The following RALGPS1 variants were observed in gnomAD, a reference collection of about 807,000 sequenced individuals.
RALGPS1 encodes the protein ras-specific guanine nucleotide-releasing factor RalGPS1.
In RALGPS1, 19 loss-of-function variants were observed where a neutral mutation model predicts 78.8. The ratio of observed to expected loss-of-function variants is 0.24; its 90% CI spans 0.17 to 0.35. RALGPS1 has a LOEUF of 0.35. RALGPS1 is among the 10% of genes least tolerant of loss of function. The pLI is 1.00. For missense variants in RALGPS1, 454 were observed against 688.3 expected (o/e 0.66, Z 3.81); for synonymous variants, 228 against 256.3 (o/e 0.89, Z 1.06).
At chr9:127,175,278 G>A (rs749679710) in intron 11 of RALGPS1, among the ~76,000 whole-genome samples, 9 of 152,172 alleles carry the variant, frequency 5.9e-5, no homozygotes, top group East Asian at 1.9e-4. Context: ...AGTCAAGCCC[G>A]AGCTCCGCTG....
intron 8 of RALGPS1, among the ~76,000 whole-genome samples, chr9:127,121,668 C>A (rs1486383336): frequency 6.6e-6 from 1 of 152,234 alleles, no homozygotes; most frequent in East Asian, 1.9e-4. Flanking sequence ...GAAGCCGCAT[C>A]CTCCCTGTAT....
At chr9:126,929,864 G>A (rs1322293558) in intron 1 of RALGPS1, among the ~76,000 whole-genome samples, 1 of 152,070 alleles carries the variant, frequency 6.6e-6, no homozygotes, top group African/African-American at 2.4e-5. Context: ...TTTCAGAGAT[G>A]GAGTCTTGCT....
At chr9:127,077,158 G>T (rs1363653050) in intron 8 of RALGPS1, among the ~76,000 whole-genome samples, 1 of 152,182 alleles carries the variant, frequency 6.6e-6, no homozygotes, top group Non-Finnish European at 1.5e-5. Flanking sequence ...TGCTGGGTTG[G>T]ATTTGCATTG....
chr9:127,116,342 T>A (rs893626271), intron 8 of RALGPS1, among the ~76,000 whole-genome samples: 7 of 149,434 alleles, frequency 4.7e-5, no homozygotes, highest in African/African-American at 1.5e-4. Context: ...GGTTAGGGAG[T>A]GGGGGAGCTG....
At chr9:127,094,060 A>G (rs2052822821) in intron 8 of RALGPS1, 9 of 995,122 alleles carry the variant, frequency 9.0e-6, no homozygotes, top group Non-Finnish European at 1.0e-5. Context: ...GAGGTAACCA[A>G]TTTTTGTTTT....
intron 14 of RALGPS1, among the ~76,000 whole-genome samples, chr9:127,201,345 AG>A (rs2140777606): frequency 6.6e-6 from 1 of 152,216 alleles, no homozygotes; most frequent in East Asian, 1.9e-4. Context: ...CACCTTGCTG[AG>A]GGGAGCAGGG....
intron 8 of RALGPS1, among the ~76,000 whole-genome samples, chr9:127,155,696 A>G (rs1452172817): frequency 2.0e-5 from 3 of 152,190 alleles, no homozygotes; most frequent in Admixed American, 6.5e-5. Flanking sequence ...GGAAATGGAG[A>G]GAGCAAAAGC....
At chr9:127,133,586 C>G in intron 8 of RALGPS1, among the ~76,000 whole-genome samples, 1 of 152,236 alleles carries the variant, frequency 6.6e-6, no homozygotes, top group East Asian at 1.9e-4. Flanking sequence ...CCGGCCTGCC[C>G]TTGCCTTTCT....
At chr9:127,040,211 G>A (rs926074017) in intron 5 of RALGPS1, among the ~76,000 whole-genome samples, 2 of 152,154 alleles carry the variant, frequency 1.3e-5, no homozygotes, top group South Asian at 4.1e-4. Flanking sequence ...GACCAGCCTG[G>A]CCTACATGGC....
intron 7 of RALGPS1, among the ~76,000 whole-genome samples, chr9:127,056,736 G>A (rs1010269038): frequency 6.6e-6 from 1 of 152,128 alleles, no homozygotes; most frequent in Admixed American, 6.5e-5. Flanking sequence ...ATTCCTCATC[G>A]ATGATGTTGA....
chr9:127,102,328 T>C (rs2136883101), intron 8 of RALGPS1, among the ~76,000 whole-genome samples: 1 of 151,904 alleles, frequency 6.6e-6, no homozygotes, highest in South Asian at 2.1e-4. Context: ...TTAATACTAC[T>C]TTATTTATTT....
chr9:127,168,904 G>A (rs1308196732), intron 10 of RALGPS1, 132 bp downstream of exon 10: 3 of 698,112 alleles, frequency 4.3e-6, no homozygotes, highest in Non-Finnish European at 7.6e-6. Context: ...AGAGTCCACA[G>A]CAGTAGCGCC....
Position 127,211,781 on chromosome 9 carries a change from G to A in RALGPS1, c.1248-350G>A, listed in dbSNP as rs1226693217. Among the ~76,000 whole-genome samples, 1 of 152,182 alleles carries A rather than the reference G, an allele frequency of 6.6e-6. No homozygotes were observed. The highest frequency in any genetic ancestry group is 1.5e-5 in the Non-Finnish European group (1 of 68,026). On this transcript the variant is annotated intron_variant, in intron 14 of 18. Coordinates refer to ENST00000259351, the MANE Select transcript of RALGPS1 (RefSeq NM_014636.3). This position sits in a 1 kb window ranked among gnomAD's most constrained non-coding sequence, Gnocchi z 5.0. The stretch of plus-strand genomic sequence containing the variant: ...TGGAGCTGGGGCTTCACAGGCACCA[G>A]CTCCTCAGGTGTGGAGGAGCCCACG...
chr9:127,089,208 G>A, intron 8 of RALGPS1: 3 of 1,537,170 alleles, frequency 2.0e-6, no homozygotes, highest in Non-Finnish European at 2.7e-6. Flanking sequence ...AGTGCTCAGG[G>A]CTTTCGGCAA....
In RALGPS1 at chr9:127,196,578, G is replaced by T. The variant is rs201112886; in HGVS notation, c.1142G>T (p.Arg381Leu). Residue 381 changes from arginine (R) to leucine (L), a missense_variant, in exon 13 of 19, where the codon CGA (arginine) becomes CTA (leucine). By Grantham distance (102) the Arg-to-Leu change is moderately radical. Transcript: ENST00000259351. ...DDSVLESRSP[R>L]RGLALTSSSA... is the part of the protein sequence containing the mutation. ...AGTGTCCTAGAGTCCCGCAGCCCCCGAAGGGGCCTGGCTCTGACCTCCTCC... is the reference window on the plus strand; with the variant it reads ...AGTGTCCTAGAGTCCCGCAGCCCCCTAAGGGGCCTGGCTCTGACCTCCTCC... The T allele has an allele frequency of 1.2e-6, 2 of 1,614,026 alleles. No individual in the cohort carries two copies. The highest frequency in any genetic ancestry group is 1.7e-6 in the Non-Finnish European group (2 of 1,179,902).
intron 11 of RALGPS1, among the ~76,000 whole-genome samples, 166 bp downstream of exon 11, chr9:127,174,948 C>G (rs2059770964): frequency 6.6e-6 from 1 of 152,160 alleles, no homozygotes; most frequent in African/African-American, 2.4e-5. Flanking sequence ...GGCTCCTGAT[C>G]ATGCGGGACT....
At chr9:127,173,491 T>G (rs1055291195) in intron 10 of RALGPS1, among the ~76,000 whole-genome samples, 1 of 152,244 alleles carries the variant, frequency 6.6e-6, no homozygotes, top group Non-Finnish European at 1.5e-5. Flanking sequence ...TTCCCTTGTT[T>G]AGTTGCACCT....
chr9:126,952,673 G>GTGTGTGTGTCTGTGTGTC (rs771422718), intron 1 of RALGPS1, among the ~76,000 whole-genome samples: 1 of 106,906 alleles, frequency 9.4e-6, no homozygotes, highest in Non-Finnish European at 2.3e-5. Flanking sequence ...GTGTGTGTGT[G>GTGTGTGTGTCTGTGTGTC]TGTGTGTCTG....
chr9:127,178,918 A>G (rs1426201389), intron 11 of RALGPS1, among the ~76,000 whole-genome samples: 2 of 152,198 alleles, frequency 1.3e-5, no homozygotes, highest in African/African-American at 2.4e-5. Context: ...TTATTTGCCC[A>G]TGTCTGTCTG....
Sources: gnomAD v4.1 joint callset for allele counts (sites outside exome capture counted in the v4.1 genomes callset) on GRCh38, gnomAD v4.1.1 for gene constraint, Gnocchi (gnomAD v3.1) non-coding constraint, MANE v1.5 for transcripts, NCBI Gene and HGNC (gene_info 2026-07-23, HGNC 2026-07-21) for gene names.